RABEP1: variants seen among roughly 807,000 people sequenced by gnomAD.
The protein encoded by RABEP1 is rab GTPase-binding effector protein 1.
A neutral mutation model predicts 123.4 loss-of-function variants in RABEP1; 51 were observed. The ratio of observed to expected loss-of-function variants is 0.41; its 90% CI spans 0.33 to 0.52. The LOEUF (loss-of-function observed/expected upper bound fraction) is 0.52, where lower values mean the gene tolerates loss of function less well. Ranked by LOEUF, RABEP1 falls within the 20% of genes least tolerant of loss-of-function variation. RABEP1 has a pLI of 0.16. For synonymous variants in RABEP1, 347 were observed against 355.2 expected, an observed-to-expected ratio of 0.98 and a Z score of 0.26; for missense variants, 888 against 996.3, an observed-to-expected ratio of 0.89 and a Z score of 1.46.
At chr17:5,335,133 TA>T (rs777273707) in intron 3 of RABEP1, 50 bp from the exon 4 acceptor site, 12 of 1,455,710 alleles carry the variant, frequency 8.2e-6, no homozygotes, top group African/African-American at 7.1e-5. Flanking sequence ...TGTGCCAGGT[TA>T]TTTTTTTTTC....
rs1201468781 is a variant in RABEP1 at position 5,378,133 on chromosome 17, CAAT to C, written c.2216-39_2216-37del. The C allele has an allele frequency of 2.8e-6, 4 of 1,447,160 alleles. No homozygotes were observed. In the South Asian group the frequency reaches 3.6e-5, roughly 13 times the overall value. The allele number at this position is 1,447,160 out of a possible 1,614,324, so 89.6% of individuals were successfully genotyped here. Reference sequence around the variant, plus strand: ...TTTTAAAGAAAAAAATGTTCATGCACAATAATAGATGAATGCTAATACATCTCA... The same window carrying C: ...TTTTAAAGAAAAAAATGTTCATGCACAATAGATGAATGCTAATACATCTCA... On this transcript the variant is annotated intron_variant, in intron 14 of 17. Coordinates refer to ENST00000537505, the MANE Select transcript of RABEP1 (RefSeq NM_004703.6).
chr17:5,372,906 C>T (rs1910633816), intron 12 of RABEP1, among the ~76,000 whole-genome samples: 1 of 152,134 alleles, frequency 6.6e-6, no homozygotes, highest in South Asian at 2.1e-4. Context: ...ATTACAGGCA[C>T]CCCGCTGTAC....
intron 15 of RABEP1, 111 bp downstream of exon 15, chr17:5,378,343 A>G: frequency 1.9e-6 from 2 of 1,076,352 alleles, no homozygotes; most frequent in South Asian, 2.6e-5. Context: ...CCCTGCCTTA[A>G]GGAACTTTTG....
chr17:5,349,687 G>A (rs183317452), intron 6 of RABEP1, among the ~76,000 whole-genome samples: 20 of 151,824 alleles, frequency 1.3e-4, no homozygotes, highest in Non-Finnish European at 2.4e-4. Context: ...ATTCCCTAGA[G>A]TACTTGTTAT....
At chr17:5,354,244 C>A in intron 7 of RABEP1, 115 bp from the exon 8 acceptor site, 2 of 912,122 alleles carry the variant, frequency 2.2e-6, no homozygotes, top group Non-Finnish European at 3.2e-6. Flanking sequence ...GCGTAAGTAT[C>A]CAGTTTTCTC....
intron 12 of RABEP1, among the ~76,000 whole-genome samples, chr17:5,370,102 GGTTGAGGT>G (rs1910407058): frequency 6.6e-6 from 1 of 152,170 alleles, no homozygotes; most frequent in African/African-American, 2.4e-5. Context: ...TTGAAATTAA[GGTTGAGGT>G]CCTATGAACT....
intron 3 of RABEP1, among the ~76,000 whole-genome samples, chr17:5,333,294 C>T (rs557176664): frequency 1.3e-5 from 2 of 152,136 alleles, no homozygotes; most frequent in Non-Finnish European, 2.9e-5. Flanking sequence ...TCTCAAGTAG[C>T]TGGGACTACA....
intron 8 of RABEP1, among the ~76,000 whole-genome samples, chr17:5,356,052 A>T (rs1908985154): frequency 6.6e-6 from 1 of 152,224 alleles, no homozygotes; most frequent in African/African-American, 2.4e-5. Flanking sequence ...ATTCTCTCTT[A>T]ACAGATCCGT....
chr17:5,311,472 G>A (rs1295774872), intron 2 of RABEP1, among the ~76,000 whole-genome samples: 9 of 151,860 alleles, frequency 5.9e-5, no homozygotes, highest in Middle Eastern at 3.4e-3. Flanking sequence ...CGAGGCAGGC[G>A]GATCACAAGG....
intron 4 of RABEP1, among the ~76,000 whole-genome samples, chr17:5,336,892 T>G (rs1218315836): frequency 2.0e-5 from 3 of 152,194 alleles, no homozygotes; most frequent in Non-Finnish European, 4.4e-5. Context: ...GTATGTTATT[T>G]GGGGAAAATC....
intron 7 of RABEP1, among the ~76,000 whole-genome samples, chr17:5,353,267 C>T (rs539589176): frequency 6.6e-6 from 1 of 152,348 alleles, no homozygotes; most frequent in Admixed American, 6.5e-5. Context: ...ATGCAACTGG[C>T]AAACTTACCT....
chr17:5,316,008 G>A (rs1317186370), intron 2 of RABEP1, among the ~76,000 whole-genome samples: 4 of 152,102 alleles, frequency 2.6e-5, no homozygotes, highest in African/African-American at 4.8e-5. Flanking sequence ...GATGCCAGAA[G>A]ACAATGAAAT....
chr17:5,319,602 A>G (rs774219657), intron 2 of RABEP1, among the ~76,000 whole-genome samples: 79 of 152,174 alleles, frequency 5.2e-4, no homozygotes, highest in East Asian at 1.4e-3. Context: ...CCTGACCTCA[A>G]TCTGCCTGCC....
chr17:5,294,341 G>A (rs546917554), intron 1 of RABEP1, among the ~76,000 whole-genome samples: 2 of 152,124 alleles, frequency 1.3e-5, no homozygotes, highest in East Asian at 1.9e-4. Context: ...CTGAGGTGGC[G>A]CCACTGCACT....
At position 5,381,414 on chromosome 17, in the gene RABEP1, A is replaced by C; in HGVS notation, c.2396A>C (p.Glu799Ala). Residue 799 changes from glutamate (E) to alanine (A), a missense_variant, in exon 17 of 18, where the codon GAA (glutamate) becomes GCA (alanine). Physicochemically the swap from Glu to Ala is moderately radical, Grantham distance 107 (BLOSUM62 -1). Transcript: ENST00000537505. ...AKATVEQLMF[E>A]EKNKAQRLQT... ...GCTACCGTTGAACAACTAATGTTTGAAGAGAAGAATAAAGCTCAGAGATTA... is the reference window on the plus strand; with the variant it reads ...GCTACCGTTGAACAACTAATGTTTGCAGAGAAGAATAAAGCTCAGAGATTA... 1 of 1,613,378 alleles carries C rather than the reference A, an allele frequency of 6.2e-7. No homozygotes were observed. The highest frequency in any genetic ancestry group is 8.5e-7 in the Non-Finnish European group (1 of 1,179,704).
intron 12 of RABEP1, among the ~76,000 whole-genome samples, chr17:5,372,292 A>G (rs1173942283): frequency 6.6e-6 from 1 of 152,066 alleles, no homozygotes; most frequent in East Asian, 1.9e-4. Flanking sequence ...AAAATACAAA[A>G]AAATGAGCTG....
At chr17:5,291,999 A>G (rs756861097) in intron 1 of RABEP1, among the ~76,000 whole-genome samples, 6 of 152,360 alleles carry the variant, frequency 3.9e-5, no homozygotes, top group Admixed American at 2.0e-4. Context: ...TAATAATTAC[A>G]TAGGAAACAA....
intron 1 of RABEP1, among the ~76,000 whole-genome samples, chr17:5,285,329 T>G (rs2074967866): frequency 6.6e-6 from 1 of 151,566 alleles, no homozygotes; most frequent in African/African-American, 2.4e-5. Context: ...AGAGAGGGTC[T>G]CATTGTGTTG....
At chr17:5,313,759 T>A (rs1433665979) in intron 2 of RABEP1, among the ~76,000 whole-genome samples, 1 of 152,158 alleles carries the variant, frequency 6.6e-6, no homozygotes, top group Non-Finnish European at 1.5e-5. Context: ...ACAGTTGGGG[T>A]AGCTTTTTAC....
Sources: allele counts gnomAD v4.1 joint callset (sites outside exome capture counted in the v4.1 genomes callset), GRCh38; gene constraint gnomAD v4.1.1; transcripts MANE v1.5; gene names NCBI Gene and HGNC (gene_info 2026-07-23, HGNC 2026-07-21).